The following LAMA2 variants were observed in gnomAD, a reference collection of about 807,000 sequenced individuals.
LAMA2 encodes laminin subunit alpha 2.
A neutral mutation model predicts 364.8 loss-of-function variants in LAMA2; 269 were observed. The observed-to-expected ratio is 0.74, with a 90% confidence interval of 0.67 to 0.82. The LOEUF is 0.82. Ranked by LOEUF, LAMA2 falls within the 40% of genes least tolerant of loss-of-function variation. The pLI, the probability that LAMA2 is intolerant of heterozygous loss-of-function variation, is 0.00. For missense variants in LAMA2, 3,807 were observed against 3,873.2 expected (o/e 0.98, Z 0.45); for synonymous variants, 1,379 against 1,370.6 (o/e 1.01, Z -0.14).
chr6:129,285,113 C>T (rs1219581761), intron 18 of LAMA2, among the ~76,000 whole-genome samples: 1 of 152,114 alleles, frequency 6.6e-6, no homozygotes, highest in Non-Finnish European at 1.5e-5. Context: ...GTGAATCCAA[C>T]TTGATCAGAC....
chr6:128,931,483 T>A (rs1304509996), intron 1 of LAMA2, among the ~76,000 whole-genome samples: 1 of 152,224 alleles, frequency 6.6e-6, no homozygotes, highest in African/African-American at 2.4e-5. Flanking sequence ...ACCGTTTTTT[T>A]CTTCAGAAAT....
intron 35 of LAMA2, among the ~76,000 whole-genome samples, chr6:129,388,191 G>A (rs545948715): frequency 4.6e-5 from 7 of 151,652 alleles, no homozygotes; most frequent in South Asian, 2.1e-4. Flanking sequence ...CAGGAGGTGC[G>A]GTCGCAGTGA....
rs1315419043 is a variant in LAMA2, at chr6:129,159,025, G to GC, written c.1206+4344dup. ...GGTCGGAGTCTGATTTCATCCCAGTGCCGTGGAGCATACTATCCAGATTCT... is the reference window on the plus strand; with the variant it reads ...GGTCGGAGTCTGATTTCATCCCAGTGCCCGTGGAGCATACTATCCAGATTCT... On this transcript the variant is annotated intron_variant, in intron 8 of 64. Transcript: ENST00000421865. The GC allele has an allele frequency of 5.7e-6, 9 of 1,581,212 alleles. No individual in the cohort carries two copies. In the East Asian group the frequency reaches 2.0e-4, roughly 35 times the overall value.
chr6:129,465,252 A>G lies in LAMA2; in HGVS notation c.7263A>G (p.Lys2421=). 6.2e-7 allele frequency: 1 copy of G among 1,611,702 alleles called. No individual in the cohort carries two copies. Among genetic ancestry groups the G allele is most frequent in the Non-Finnish European group, 8.5e-7 (1 of 1,178,340 alleles). ...GCAATCAAAACCATAATGATGGGAAATGGAAATCATTCACTCTGTCAAGAA... is the reference window on the plus strand; with the variant it reads ...GCAATCAAAACCATAATGATGGGAAGTGGAAATCATTCACTCTGTCAAGAA... ...VVSNQNHNDG[K]WKSFTLSRIQ... is the part of the protein sequence containing the mutation. The change falls in exon 51 of 65, where the codon AAA becomes AAG. Residue 2421 remains lysine, a synonymous_variant. Coordinates refer to ENST00000421865, the MANE Select transcript of LAMA2 (RefSeq NM_000426.4).
intron 35 of LAMA2, among the ~76,000 whole-genome samples, chr6:129,388,084 C>T (rs1779113269): frequency 6.6e-6 from 1 of 151,912 alleles, no homozygotes; most frequent in Admixed American, 6.6e-5. Flanking sequence ...ATGGCAAAAC[C>T]CCATCTCTAC....
chr6:128,948,510 A>G (rs1780616214), intron 1 of LAMA2, among the ~76,000 whole-genome samples: 1 of 152,196 alleles, frequency 6.6e-6, no homozygotes, highest in Non-Finnish European at 1.5e-5. Context: ...TGCTTGAGTC[A>G]TTCCAAATTA....
At chr6:128,977,325 T>C (rs994250533) in intron 1 of LAMA2, among the ~76,000 whole-genome samples, 18 of 149,660 alleles carry the variant, frequency 1.2e-4, no homozygotes, top group African/African-American at 4.4e-4. Context: ...AGTAGTGAAA[T>C]CATGGCTCAC....
At position 128,957,129 on chromosome 6, in the gene LAMA2, G is replaced by A. The variant is rs1341994853; in HGVS notation, c.112+73772G>A. ...CTGTCAATATTATCAAATTAAGAAT[G>A]TTTTTCCAAAAATTCTTTTAAATTA... On this transcript the variant is annotated intron_variant, in intron 1 of 64. Coordinates refer to ENST00000421865, the MANE Select transcript of LAMA2 (RefSeq NM_000426.4). Among the ~76,000 whole-genome samples, 2 of 152,044 alleles carry A rather than the reference G, an allele frequency of 1.3e-5. 1 individual carries two copies. The highest frequency in any genetic ancestry group is 2.9e-5 in the Non-Finnish European group (2 of 67,982).
intron 32 of LAMA2, among the ~76,000 whole-genome samples, chr6:129,365,800 G>C (rs1562496943): frequency 6.6e-6 from 1 of 152,096 alleles, no homozygotes; most frequent in Non-Finnish European, 1.5e-5. Flanking sequence ...ATCTAATGGA[G>C]CACCACACAT....
intron 30 of LAMA2, among the ~76,000 whole-genome samples, chr6:129,345,973 G>A (rs1463006633): frequency 2.0e-5 from 3 of 152,188 alleles, no homozygotes; most frequent in African/African-American, 7.2e-5. Context: ...AGATGGAGGA[G>A]GCTGAGATAT....
Position 129,163,741 on chromosome 6 carries a change from CCAGATGACTACA to C in LAMA2, c.1207-1834_1207-1823del, listed in dbSNP as rs1779580608. Among the ~76,000 whole-genome samples, 2 of 152,162 alleles carry C rather than the reference CCAGATGACTACA, an allele frequency of 1.3e-5. 1 individual carries two copies. Among genetic ancestry groups the C allele is most frequent in the South Asian group, 4.1e-4 (2 of 4,822 alleles). On this transcript the variant is annotated intron_variant, in intron 8 of 64. Coordinates refer to ENST00000421865, the MANE Select transcript of LAMA2 (RefSeq NM_000426.4). Reference sequence around the variant, plus strand: ...CTGTAGACCAAATCCTGGCCTATGGCCAGATGACTACAAAAGTAGTCATTAGGTTGACTACTC... The same window carrying C: ...CTGTAGACCAAATCCTGGCCTATGGCAAAGTAGTCATTAGGTTGACTACTC...
intron 18 of LAMA2, among the ~76,000 whole-genome samples, chr6:129,286,589 TATA>T (rs1283412591): frequency 1.0e-5 from 1 of 96,316 alleles, no homozygotes; most frequent in African/African-American, 4.2e-5. Context: ...ATATAATATA[TATA>T]ATAATATATA....
intron 1 of LAMA2, among the ~76,000 whole-genome samples, chr6:129,022,506 G>A (rs752813551): frequency 4.6e-5 from 7 of 152,084 alleles, no homozygotes; most frequent in Non-Finnish European, 8.8e-5. Context: ...TTTTCTTGGT[G>A]CTTAAGAAAT....
rs148737657 is a variant in LAMA2 at position 129,118,880 on chromosome 6, G to A, written c.639+20465G>A. Among the ~76,000 whole-genome samples, 1,017 of 152,326 alleles carry A rather than the reference G, an allele frequency of 6.7e-3. 6 individuals are homozygous for A. Among genetic ancestry groups the A allele is most frequent in the South Asian group, 0.016 (78 of 4,828 alleles). On this transcript the variant is annotated intron_variant, in intron 4 of 64. Transcript: ENST00000421865. ...TGGGCTGTTGCTCCTTATCCATGAT[G>A]TGTAAGAGTGAGGAACTAAGTCTGA...
intron 12 of LAMA2, among the ~76,000 whole-genome samples, chr6:129,212,792 C>T (rs907144692): frequency 2.6e-5 from 4 of 152,132 alleles, no homozygotes; most frequent in African/African-American, 9.7e-5. Context: ...TAAACAGATA[C>T]AATAATATTT....
intron 1 of LAMA2, among the ~76,000 whole-genome samples, chr6:129,039,943 C>T (rs138579487): frequency 3.9e-5 from 6 of 152,168 alleles, no homozygotes; most frequent in Middle Eastern, 3.4e-3. Context: ...TTGGGGACCC[C>T]GGGTTAGGAT....
At chr6:128,919,381 C>A (rs1164739586) in intron 1 of LAMA2, among the ~76,000 whole-genome samples, 1 of 152,202 alleles carries the variant, frequency 6.6e-6, no homozygotes, top group Non-Finnish European at 1.5e-5. Flanking sequence ...TCATCAACAT[C>A]ATTATCATCA....
At chr6:129,188,327 G>C (rs1562312770) in intron 10 of LAMA2, among the ~76,000 whole-genome samples, 1 of 151,736 alleles carries the variant, frequency 6.6e-6, no homozygotes, top group Non-Finnish European at 1.5e-5. Flanking sequence ...ATTTTACTAG[G>C]CTAAAATGGA....
chr6:129,505,667 C>T lies in LAMA2; in HGVS notation c.8703+312C>T, dbSNP rs547774334. On this transcript the variant is annotated intron_variant, in intron 61 of 64. Transcript: ENST00000421865. ...GGGACTACAGGTGCCTACCACCACG[C>T]CTGGCTAATTTTTTGTACTTTTAAT... 3.2e-4 allele frequency among the ~76,000 whole-genome samples: 49 copies of T among 152,146 alleles called. No homozygotes were observed. In the South Asian group the frequency reaches 9.4e-3, roughly 29 times the overall value.
Sources: gnomAD v4.1 joint callset for allele counts (sites outside exome capture counted in the v4.1 genomes callset) on GRCh38, gnomAD v4.1.1 for gene constraint, MANE v1.5 for transcripts, NCBI Gene and HGNC (gene_info 2026-07-23, HGNC 2026-07-21) for gene names.